SPTBN1: variants seen among roughly 807,000 people sequenced by gnomAD.
SPTBN1 encodes spectrin beta, non-erythrocytic 1.
SPTBN1 carries 32 observed loss-of-function variants against 266.4 expected under a neutral mutation model. The observed-to-expected ratio is 0.12, with a 90% CI of 0.09 to 0.16. The LOEUF (loss-of-function observed/expected upper bound fraction) is 0.16. Among genes scored for constraint, SPTBN1 ranks in the 10% least tolerant of loss-of-function variants. The probability of loss-of-function intolerance (pLI) is 1.00; values close to 1 mark genes in which losing one functional copy is unlikely to be tolerated. For missense variants in SPTBN1, 2,296 were observed against 3,067.1 expected (o/e 0.75, Z 5.94); for synonymous variants, 1,336 against 1,162.2 (o/e 1.15, Z -3.04).
intron 2 of SPTBN1, among the ~76,000 whole-genome samples, chr2:54,570,653 AC>A (rs1673999765): frequency 6.6e-6 from 1 of 152,086 alleles, no homozygotes; most frequent in South Asian, 2.1e-4. Context: ...CTCTCTACAA[AC>A]CATAGACATG....
chr2:54,572,407 C>T (rs1445350182), intron 2 of SPTBN1, among the ~76,000 whole-genome samples: 1 of 152,136 alleles, frequency 6.6e-6, no homozygotes. Context: ...ATAAAACGAA[C>T]ACAGCTTTTC....
At chr2:54,640,932 A>G (rs1044384815) in intron 18 of SPTBN1, among the ~76,000 whole-genome samples, 1 of 152,236 alleles carries the variant, frequency 6.6e-6, no homozygotes, top group Non-Finnish European at 1.5e-5. Context: ...ATGTCCTCAC[A>G]TTACACCACC....
At chr2:54,609,078 G>C (rs1399038241) in intron 3 of SPTBN1, among the ~76,000 whole-genome samples, 2 of 152,168 alleles carry the variant, frequency 1.3e-5, no homozygotes, top group Non-Finnish European at 2.9e-5. Context: ...GGAGGTAGAA[G>C]GGGAGGCAGA....
rs773982879 is a variant in SPTBN1, at chr2:54,554,376, C to A, written c.148+27810C>A. On this transcript the variant is annotated intron_variant, in intron 2 of 35. Coordinates refer to ENST00000356805, the MANE Select transcript of SPTBN1 (RefSeq NM_003128.3). The surrounding 1 kb of genome is among the most constrained non-coding windows in gnomAD (Gnocchi z 4.5). ...CCTTGGTTGCAAAATGGTGACCATA[C>A]CTGCCTCACAGGGTTAGTCACTTGA... 7.2e-5 allele frequency among the ~76,000 whole-genome samples: 11 copies of A among 152,134 alleles called. No individual in the cohort carries two copies. The highest frequency in any genetic ancestry group is 1.6e-4 in the Non-Finnish European group (11 of 68,032).
rs1259777612 is a variant in SPTBN1, at chr2:54,517,911, T to C, written c.-47-8461T>C. 1.1e-4 allele frequency among the ~76,000 whole-genome samples: 16 copies of C among 151,766 alleles called. No homozygotes were observed. The East Asian group carries it at 3.1e-3, about 29-fold the overall frequency. ...CGCCCGCCTCAGCCTCCCAAAGTGC[T>C]GGGATTACAGGCATGAGCCACTGTG... is the stretch of plus-strand genomic sequence containing the variant. On this transcript the variant is annotated intron_variant, in intron 1 of 35. Transcript: ENST00000356805.
chr2:54,479,679 T>G (rs1668006703), intron 1 of SPTBN1, among the ~76,000 whole-genome samples: 1 of 152,186 alleles, frequency 6.6e-6, no homozygotes. Context: ...ATGACTCACT[T>G]CCTAGGGTGT....
intron 1 of SPTBN1, among the ~76,000 whole-genome samples, chr2:54,488,596 C>G (rs576496689): frequency 6.6e-6 from 1 of 152,228 alleles, no homozygotes; most frequent in East Asian, 1.9e-4. Context: ...CTCTTGGACC[C>G]TTTTTCTCAG....
intron 2 of SPTBN1, among the ~76,000 whole-genome samples, chr2:54,589,064 T>C (rs1675492577): frequency 6.6e-6 from 1 of 152,218 alleles, no homozygotes; most frequent in African/African-American, 2.4e-5. Context: ...CATTTATCTT[T>C]TGTGTTACAA....
intron 3 of SPTBN1, among the ~76,000 whole-genome samples, chr2:54,604,738 A>G (rs10188545): frequency 0.34 from 51,304 of 152,086 alleles, 11,279 homozygotes; most frequent in African/African-American, 0.63. Context: ...GTAAAGGTTT[A>G]GGACTAGACG....
chr2:54,666,960 C>T (rs1227649476), intron 34 of SPTBN1, among the ~76,000 whole-genome samples: 2 of 152,188 alleles, frequency 1.3e-5, no homozygotes, highest in Admixed American at 1.3e-4. Context: ...TCCTTGGCTG[C>T]TTTCCCCTTT....
chr2:54,605,178 T>G (rs1389423155), intron 3 of SPTBN1, among the ~76,000 whole-genome samples: 1 of 152,174 alleles, frequency 6.6e-6, no homozygotes, highest in Admixed American at 6.5e-5. Flanking sequence ...TATTGTTACC[T>G]CTTCTTCCTT....
At chr2:54,521,098 C>A (rs545570560) in intron 1 of SPTBN1, among the ~76,000 whole-genome samples, 1 of 152,296 alleles carries the variant, frequency 6.6e-6, no homozygotes, top group Admixed American at 6.5e-5. Context: ...TTTTAGATAA[C>A]CTCCTGGGAC....
Position 54,586,159 on chromosome 2 carries a change from C to T in SPTBN1, c.149-12933C>T, listed in dbSNP as rs943033280. ...AGTGTGGTTTGGAGACGACTTTACCCCACTCCTCCCCAAACACACATTGGT... is the reference window on the plus strand; with the variant it reads ...AGTGTGGTTTGGAGACGACTTTACCTCACTCCTCCCCAAACACACATTGGT... On this transcript the variant is annotated intron_variant, in intron 2 of 35. Coordinates refer to ENST00000356805, the MANE Select transcript of SPTBN1 (RefSeq NM_003128.3). 2.0e-4 allele frequency among the ~76,000 whole-genome samples: 31 copies of T among 152,124 alleles called. 1 individual carries two copies. Among genetic ancestry groups the T allele is most frequent in the African/African-American group, 6.3e-4 (26 of 41,410 alleles).
chr2:54,484,164 G>A (rs1208304386), intron 1 of SPTBN1, among the ~76,000 whole-genome samples: 1 of 152,070 alleles, frequency 6.6e-6, no homozygotes, highest in Non-Finnish European at 1.5e-5. Context: ...CCATCCTGGG[G>A]GACAGAGTGA....
intron 20 of SPTBN1, among the ~76,000 whole-genome samples, chr2:54,644,836 T>G (rs546357754): frequency 1.3e-5 from 2 of 152,356 alleles, no homozygotes; most frequent in East Asian, 3.9e-4. Context: ...GATAATTTTC[T>G]TAGTTAATGG....
In SPTBN1 at chr2:54,629,417, G is replaced by T. The variant is rs758632001; in HGVS notation, c.2283G>T (p.Leu761=). 1 of 1,614,146 alleles carries T rather than the reference G, an allele frequency of 6.2e-7. No homozygotes were observed. Among genetic ancestry groups the T allele is most frequent in the South Asian group, 1.1e-5 (1 of 91,080 alleles). ...CTGATGACATTGATGCCTGGATGCT[G>T]GACATCCTCAAGATTGTCTCCAGCA... ...ADADDIDAWM[L]DILKIVSSSD... The change falls in exon 14 of 36, where the codon CTG becomes CTT. Residue 761 remains leucine, a synonymous_variant. Transcript: ENST00000356805.
rs75961189 is a variant in SPTBN1 at position 54,552,076 on chromosome 2, C to A, written c.148+25510C>A. On this transcript the variant is annotated intron_variant, in intron 2 of 35. Transcript: ENST00000356805. ...GTACATCCCAGAGGGAGGACTGGTC[C>A]TGCCACTGAGAAATGCCCTTTGCCA... Among the ~76,000 whole-genome samples, 1,209 of 152,250 alleles carry A rather than the reference C, an allele frequency of 7.9e-3. 9 individuals are homozygous for A. Among genetic ancestry groups the A allele is most frequent in the Non-Finnish European group, 0.012 (846 of 68,022 alleles).
chr2:54,668,262 G>A (rs757045741), intron 35 of SPTBN1, 89 bp from the exon 36 acceptor site: 40 of 1,273,162 alleles, frequency 3.1e-5, no homozygotes, highest in Admixed American at 7.4e-5. Flanking sequence ...CCCCTCAGTT[G>A]GCCAGATGCG....
intron 2 of SPTBN1, among the ~76,000 whole-genome samples, chr2:54,541,292 G>T (rs1272454859): frequency 6.6e-6 from 1 of 152,122 alleles, no homozygotes; most frequent in East Asian, 1.9e-4. Flanking sequence ...CATTTGCCCT[G>T]GGCCCCTATA....
Sources: allele counts gnomAD v4.1 joint callset (sites outside exome capture counted in the v4.1 genomes callset), GRCh38; gene constraint gnomAD v4.1.1; non-coding constraint Gnocchi (gnomAD v3.1); transcripts MANE v1.5; gene names NCBI Gene and HGNC (gene_info 2026-07-23, HGNC 2026-07-21).